Variants in GGT1 observed in about 807,000 individuals in gnomAD.
GGT1 encodes glutathione hydrolase 1 proenzyme.
In GGT1, 21 loss-of-function variants were observed where a neutral mutation model predicts 56.0. That is an observed-to-expected ratio of 0.38 (90% CI 0.27 to 0.54). GGT1 has a LOEUF of 0.54. GGT1 is among the 20% of genes least tolerant of loss of function. GGT1 has a pLI of 0.82. For synonymous variants in GGT1, 238 were observed against 342.6 expected (o/e 0.69, Z 3.37); for missense variants, 466 against 787.0 (o/e 0.59, Z 4.88).
chr22:24,628,201 T>C lies in GGT1; in HGVS notation c.1449+8T>C. ...ACCACGGCCACTGCACTGGTATGTGTCACACCTTTTCTCCCTGGCCGTGCC... is the reference window on the plus strand; with the variant it reads ...ACCACGGCCACTGCACTGGTATGTGCCACACCTTTTCTCCCTGGCCGTGCC... On this transcript the variant is annotated splice_region_variant and intron_variant, in intron 14 of 15. Coordinates refer to ENST00000400382, the MANE Select transcript of GGT1 (RefSeq NM_001288833.2). This position sits in a 1 kb window ranked among gnomAD's most constrained non-coding sequence, Gnocchi z 5.7. 3 of 1,612,004 alleles carry C rather than the reference T, an allele frequency of 1.9e-6. No homozygotes were observed. The African/African-American group carries it at 4.0e-5, about 22-fold the overall frequency.
chr22:24,589,370 AG>A, the GGT1 span: 3 of 1,129,544 alleles, frequency 2.7e-6, no homozygotes, highest in Non-Finnish European at 3.3e-6. Flanking sequence ...CCCGTCCGCA[AG>A]GGTGTCTGTA....
intron 11 of GGT1, among the ~76,000 whole-genome samples, chr22:24,626,003 C>CG (rs1306524398): frequency 7.4e-6 from 1 of 135,922 alleles, no homozygotes; most frequent in Non-Finnish European, 1.5e-5. Flanking sequence ...ATTTTTGAGA[C>CG]GGAGTCTCGC....
chr22:24,590,482 CA>C (rs1341262031), upstream of GGT1, among the ~76,000 whole-genome samples: 1 of 152,068 alleles, frequency 6.6e-6, no homozygotes, highest in Non-Finnish European at 1.5e-5. Flanking sequence ...AAGTGAATCC[CA>C]GAACCCTTAG....
chr22:24,593,294 G>A, upstream of GGT1: 1 of 182,488 alleles, frequency 5.5e-6, no homozygotes, highest in Non-Finnish European at 1.1e-5. Flanking sequence ...CAGGGGAGAC[G>A]CGGAGCTCGG....
chr22:24,614,889 T>G lies in GGT1; in HGVS notation c.278T>G (p.Ile93Ser). 4 of 1,613,118 alleles carry G rather than the reference T, an allele frequency of 2.5e-6. No individual in the cohort carries two copies. In the South Asian group the frequency reaches 3.3e-5, roughly 13 times the overall value. ...MGIGGGLFLTIYNSTTRKAEV... is the reference protein window; with the variant it reads ...MGIGGGLFLTSYNSTTRKAEV... ...ATCGGGGGTGGCCTCTTCCTCACCA[T>G]CTACAACAGCACCACACGTGAGTGC... Residue 93 changes from isoleucine (I) to serine (S), a missense_variant, in exon 6 of 16, where the codon ATC becomes AGC. Ile to Ser is a moderately radical substitution (Grantham distance 142, BLOSUM62 -2). Around this residue, in one of 2 missense-constraint regions of GGT1, gnomAD observed 456 missense variants for 716.7 expected, o/e 0.64. Coordinates refer to ENST00000400382, the MANE Select transcript of GGT1 (RefSeq NM_001288833.2).
rs573080059 is a variant in GGT1 at position 24,624,989 on chromosome 22, C to T, written c.1020+1073C>T. The stretch of plus-strand genomic sequence containing the variant: ...CTCGAGTTTTCATTTTGCAAATTTT[C>T]GCACCTACAAAAATGTAAAAAAACC... On this transcript the variant is annotated intron_variant, in intron 11 of 15. Transcript: ENST00000400382. Among the ~76,000 whole-genome samples the T allele has an allele frequency of 2.0e-4, 30 of 152,212 alleles. No homozygotes were observed. The East Asian group carries it at 3.9e-3, about 20-fold the overall frequency.
chr22:24,597,703 A>G (rs1569043114), intron 1 of GGT1, among the ~76,000 whole-genome samples: 1 of 152,122 alleles, frequency 6.6e-6, no homozygotes, highest in Admixed American at 6.6e-5. Context: ...ACACACACAC[A>G]CACAAAACAA....
chr22:24,590,736 G>A (rs1385620344), upstream of GGT1, among the ~76,000 whole-genome samples: 2 of 152,040 alleles, frequency 1.3e-5, no homozygotes, highest in Non-Finnish European at 2.9e-5. Context: ...CCTTGGGGGC[G>A]GACCTCTCTC....
intron 11 of GGT1, among the ~76,000 whole-genome samples, chr22:24,626,304 G>A (rs2147526442): frequency 7.2e-6 from 1 of 139,126 alleles, no homozygotes; most frequent in African/African-American, 2.9e-5. Context: ...GTGAGCCACC[G>A]CGCCCGGTGT....
rs1444836371 is a variant in GGT1 at position 24,603,344 on chromosome 22, A to G, written c.-612A>G. On this transcript the variant is annotated 5_prime_UTR_variant, in exon 1 of 16. Coordinates refer to ENST00000400382, the MANE Select transcript of GGT1 (RefSeq NM_001288833.2). ...TAGGTGGGGAAGCTCAGGTCAGGGC[A>G]CTCCCATGAGTGTCTGGAGGCCTGA... 2.0e-5 allele frequency: 3 copies of G among 152,038 alleles called. No homozygotes were observed. Among genetic ancestry groups the G allele is most frequent in the African/African-American group, 7.3e-5 (3 of 41,352 alleles). The allele number at this position is 152,038 out of a possible 1,614,324, so 9.4% of individuals were successfully genotyped here.
rs767137768 is a variant in GGT1 at position 24,628,043 on chromosome 22, A to G, written c.1337-38A>G. ...AGAGGGGCGGGTGTCCTGGGCAGGC[A>G]GCTGACGGGCATCCCTGTCTTCTCC... is the stretch of plus-strand genomic sequence containing the variant. On this transcript the variant is annotated intron_variant, in intron 13 of 15. Coordinates refer to ENST00000400382, the MANE Select transcript of GGT1 (RefSeq NM_001288833.2). The surrounding 1 kb of genome is among the most constrained non-coding windows in gnomAD (Gnocchi z 5.7). 7.0e-5 allele frequency: 112 copies of G among 1,611,216 alleles called. No homozygotes were observed. The highest frequency in any genetic ancestry group is 9.2e-5 in the Non-Finnish European group (109 of 1,179,666).
chr22:24,592,148 C>G, upstream of GGT1: 1 of 388,740 alleles, frequency 2.6e-6, no homozygotes. Flanking sequence ...AGGGAAGTGG[C>G]ATGCCCAGGT....
At chr22:24,623,723 C>G (rs998272604) in intron 10 of GGT1, 57 bp from the exon 11 acceptor site, 1 of 1,538,692 alleles carries the variant, frequency 6.5e-7, no homozygotes, top group Non-Finnish European at 8.9e-7. Context: ...TGTTAACCCT[C>G]TGAGCCCCTC....
At chr22:24,627,376 G>GCCCCCAGCC in intron 11 of GGT1, 56 bp from the exon 12 acceptor site, 4 of 896,764 alleles carry the variant, frequency 4.5e-6, no homozygotes, top group Middle Eastern at 3.3e-4. Context: ...TGAGACCTGT[G>GCCCCCAGCC]CCCCCTCCCC....
upstream of GGT1, among the ~76,000 whole-genome samples, chr22:24,602,147 TC>T (rs1275112011): frequency 6.6e-6 from 1 of 151,970 alleles, no homozygotes; most frequent in Non-Finnish European, 1.5e-5. Context: ...GGTCAAGAGG[TC>T]CCCTGCAGCC....
chr22:24,619,833 G>T lies in GGT1; in HGVS notation c.383-495G>T, dbSNP rs567824178. 1.5e-4 allele frequency among the ~76,000 whole-genome samples: 22 copies of T among 151,098 alleles called. 1 individual carries two copies. The East Asian group carries it at 4.3e-3, about 29-fold the overall frequency. Reference sequence around the variant, plus strand: ...CTTGTGGTCAGTGAGATGGGAGGGGGTCTGGCCTGGCACAGGATTTTAGAC... The same window carrying T: ...CTTGTGGTCAGTGAGATGGGAGGGGTTCTGGCCTGGCACAGGATTTTAGAC... On this transcript the variant is annotated intron_variant, in intron 7 of 15. Transcript: ENST00000400382.
upstream of GGT1, chr22:24,592,735 A>G (rs922046045): frequency 3.1e-6 from 4 of 1,298,830 alleles, no homozygotes; most frequent in Non-Finnish European, 3.9e-6. Context: ...TGCGCGCGCC[A>G]GAGACCAGCT....
intron 11 of GGT1, among the ~76,000 whole-genome samples, chr22:24,626,159 A>AT (rs2047746996): frequency 6.8e-6 from 1 of 147,412 alleles, no homozygotes; most frequent in Admixed American, 6.8e-5. Context: ...CGCCCAGCTA[A>AT]TTTTTTGTAT....
chr22:24,628,228 A>G lies in GGT1; in HGVS notation c.1449+35A>G. ...ACACCTTTTCTCCCTGGCCGTGCCC[A>G]CCCTGCACAGCCCCCAAGCCATGCT... is the stretch of plus-strand genomic sequence containing the variant. On this transcript the variant is annotated intron_variant, in intron 14 of 15. Coordinates refer to ENST00000400382, the MANE Select transcript of GGT1 (RefSeq NM_001288833.2). The surrounding 1 kb of genome is among the most constrained non-coding windows in gnomAD (Gnocchi z 5.7). 6.2e-7 allele frequency: 1 copy of G among 1,611,626 alleles called. No homozygotes were observed. The highest frequency in any genetic ancestry group is 8.5e-7 in the Non-Finnish European group (1 of 1,179,766).
Sources: allele counts gnomAD v4.1 joint callset (sites outside exome capture counted in the v4.1 genomes callset), GRCh38; gene constraint gnomAD v4.1.1; regional missense constraint gnomAD v4.1.1; non-coding constraint Gnocchi (gnomAD v3.1); transcripts MANE v1.5; gene names NCBI Gene and HGNC (gene_info 2026-07-23, HGNC 2026-07-21).